The following PCDHGB2 variants were observed in gnomAD, a reference collection of about 807,000 sequenced individuals.
PCDHGB2 encodes protocadherin gamma subfamily B, 2, also known as protocadherin gamma-B2.
Under a neutral mutation model 59.3 loss-of-function variants are expected in PCDHGB2, and 55 were observed. The ratio of observed to expected loss-of-function variants is 0.93; its 90% CI spans 0.75 to 1.16. The LOEUF (loss-of-function observed/expected upper bound fraction) is 1.16. Among genes scored for constraint, PCDHGB2 ranks in the 50% most tolerant of loss-of-function variants. PCDHGB2 has a pLI of 0.00. For synonymous variants in PCDHGB2, 516 were observed against 512.0 expected (o/e 1.01, Z -0.11); for missense variants, 1,228 against 1,198.5 (o/e 1.02, Z -0.36).
chr5:141,391,728 T>C (rs2092412871), intron 1 of PCDHGB2: 1 of 152,222 alleles, frequency 6.6e-6, no homozygotes, highest in East Asian at 1.9e-4. Flanking sequence ...ACAGACTTTT[T>C]TGTAGTCATA....
intron 2 of PCDHGB2, among the ~76,000 whole-genome samples, chr5:141,497,984 C>G (rs2099780951): frequency 6.6e-6 from 1 of 152,194 alleles, no homozygotes; most frequent in South Asian, 2.1e-4. Flanking sequence ...TGGGAGGCCC[C>G]TGCCCTCAAG....
chr5:141,419,119 C>T lies in PCDHGB2; in HGVS notation c.2421+56563C>T. 2.5e-6 allele frequency: 4 copies of T among 1,613,896 alleles called. No individual in the cohort carries two copies. The South Asian group carries it at 3.3e-5, about 13-fold the overall frequency. Reference sequence around the variant, plus strand: ...GGGAGCAGACCCCAGAGTACAACGTCACCATCGCAGCCACAGACAGGGGCA... The same window carrying T: ...GGGAGCAGACCCCAGAGTACAACGTTACCATCGCAGCCACAGACAGGGGCA... On this transcript the variant is annotated intron_variant, in intron 1 of 3. Coordinates refer to ENST00000522605, the MANE Select transcript of PCDHGB2 (RefSeq NM_018923.3).
intron 1 of PCDHGB2, chr5:141,408,778 A>G (rs1261786266): frequency 6.2e-7 from 1 of 1,612,198 alleles, no homozygotes; most frequent in Non-Finnish European, 8.5e-7. Flanking sequence ...GCAAATACCC[A>G]GAGTTATCTC....
At chr5:141,383,314 A>C (rs1362079173) in intron 1 of PCDHGB2, 4 of 1,613,886 alleles carry the variant, frequency 2.5e-6, no homozygotes, top group Non-Finnish European at 8.5e-7. Flanking sequence ...GGAAGAAATA[A>C]ATGTAAAAAT....
intron 1 of PCDHGB2, chr5:141,370,337 G>A: frequency 6.9e-7 from 1 of 1,448,610 alleles, no homozygotes; most frequent in Non-Finnish European, 9.3e-7. Context: ...AGAACTCTTG[G>A]GATTATTTAA....
At chr5:141,395,138 C>G (rs147992300) in intron 1 of PCDHGB2, 3 of 1,614,204 alleles carry the variant, frequency 1.9e-6, no homozygotes, top group Non-Finnish European at 2.5e-6. Context: ...AGCCCAACTA[C>G]GCAGACATGC....
intron 1 of PCDHGB2, chr5:141,371,868 G>A (rs755178809): frequency 2.5e-6 from 4 of 1,613,510 alleles, no homozygotes; most frequent in Non-Finnish European, 3.4e-6. Context: ...CTACTACATC[G>A]TGGCCAGTGA....
At chr5:141,457,532 T>C (rs2098923599) in intron 1 of PCDHGB2, among the ~76,000 whole-genome samples, 1 of 152,058 alleles carries the variant, frequency 6.6e-6, no homozygotes, top group Admixed American at 6.6e-5. Flanking sequence ...GAGACTAGGG[T>C]TTAATGACAA....
intron 1 of PCDHGB2, among the ~76,000 whole-genome samples, chr5:141,430,014 G>A (rs925858697): frequency 6.6e-6 from 1 of 152,130 alleles, no homozygotes; most frequent in South Asian, 2.1e-4. Context: ...TTTCACTTGG[G>A]TTCTTGTTAA....
rs368155258 is a variant in PCDHGB2 at position 141,394,236 on chromosome 5, A to T, written c.2421+31680A>T. 3.1e-5 allele frequency: 50 copies of T among 1,613,818 alleles called. No individual in the cohort carries two copies. The highest frequency in any genetic ancestry group is 3.9e-5 in the Non-Finnish European group (46 of 1,179,848). On this transcript the variant is annotated intron_variant, in intron 1 of 3. Transcript: ENST00000522605. ...GAGAGGAGCCTCCATCTTTTCCTTG[A>T]CTGCACACGACCCCGACAGCCAGGA...
chr5:141,383,971 G>GAA, intron 1 of PCDHGB2: 1 of 1,613,662 alleles, frequency 6.2e-7, no homozygotes, highest in African/African-American at 1.3e-5. Context: ...CTCAATCCCT[G>GAA]AAGACACACC....
At chr5:141,450,134 G>A (rs1267554616) in intron 1 of PCDHGB2, among the ~76,000 whole-genome samples, 1 of 151,424 alleles carries the variant, frequency 6.6e-6, no homozygotes, top group East Asian at 2.0e-4. Context: ...AGCCTCCTGA[G>A]TAGCTGGGAC....
chr5:141,485,882 G>C lies in PCDHGB2; in HGVS notation c.2422-8925G>C. 6.2e-7 allele frequency: 1 copy of C among 1,614,146 alleles called. No homozygotes were observed. On this transcript the variant is annotated intron_variant, in intron 1 of 3. Transcript: ENST00000522605. The surrounding 1 kb of genome is among the most constrained non-coding windows in gnomAD (Gnocchi z 5.7). ...CCGGGTATCCGTGCTGGACGTAAACGACAACGCCCCAGCCTTCCAGCAATC... is the reference window on the plus strand; with the variant it reads ...CCGGGTATCCGTGCTGGACGTAAACCACAACGCCCCAGCCTTCCAGCAATC...
chr5:141,370,895 G>A lies in PCDHGB2; in HGVS notation c.2421+8339G>A, dbSNP rs574834175. 79 of 1,614,032 alleles carry A rather than the reference G, an allele frequency of 4.9e-5. 1 individual carries two copies. In the East Asian group the frequency reaches 1.7e-3, roughly 34 times the overall value. On this transcript the variant is annotated intron_variant, in intron 1 of 3. Transcript: ENST00000522605. ...ATCCTGATGTAGGTGTCAATTCGCT[G>A]CAGCAGTACTACCTCAGCCCTGATC...
chr5:141,433,623 G>A (rs2097635547), intron 1 of PCDHGB2, among the ~76,000 whole-genome samples: 1 of 152,070 alleles, frequency 6.6e-6, no homozygotes, highest in African/African-American at 2.4e-5. Flanking sequence ...ATCACCTGAG[G>A]TTGGGAGTTT....
chr5:141,395,152 T>C (rs1324313583), intron 1 of PCDHGB2: 1 of 1,614,196 alleles, frequency 6.2e-7, no homozygotes, highest in African/African-American at 1.3e-5. Context: ...GACATGCTCA[T>C]CAGTCAGGAG....
intron 1 of PCDHGB2, chr5:141,395,544 G>GTTTGTT (rs70988801): frequency 1.5e-3 from 17 of 11,560 alleles, no homozygotes; most frequent in African/African-American, 4.5e-3. Flanking sequence ...GCTATTGTTT[G>GTTTGTT]TGTGTGTGTG....
At position 141,485,811 on chromosome 5, in the gene PCDHGB2, C is replaced by T; in HGVS notation, c.2422-8996C>T. 6.2e-7 allele frequency: 1 copy of T among 1,614,220 alleles called. No homozygotes were observed. The highest frequency in any genetic ancestry group is 8.5e-7 in the Non-Finnish European group (1 of 1,180,028). ...CAATCGGACTACCGCCTGGTGCTGA[C>T]TGCTGTCGATGGAGGGAACCCGCCG... On this transcript the variant is annotated intron_variant, in intron 1 of 3. Transcript: ENST00000522605. This position sits in a 1 kb window ranked among gnomAD's most constrained non-coding sequence, Gnocchi z 5.7.
chr5:141,486,745 C>T lies in PCDHGB2; in HGVS notation c.2422-8062C>T, dbSNP rs1167986336. On this transcript the variant is annotated intron_variant, in intron 1 of 3. Coordinates refer to ENST00000522605, the MANE Select transcript of PCDHGB2 (RefSeq NM_018923.3). This position sits in a 1 kb window ranked among gnomAD's most constrained non-coding sequence, Gnocchi z 5.0. ...CTGTTCATGCTACTCGATCCTTTGA[C>T]TATGAGCAAACCCAGACACTGCAGT... 3.1e-6 allele frequency: 5 copies of T among 1,614,226 alleles called. No homozygotes were observed. The highest frequency in any genetic ancestry group is 3.4e-6 in the Non-Finnish European group (4 of 1,180,044).
Sources: allele counts gnomAD v4.1 joint callset (sites outside exome capture counted in the v4.1 genomes callset), GRCh38; gene constraint gnomAD v4.1.1; non-coding constraint Gnocchi (gnomAD v3.1); transcripts MANE v1.5; gene names NCBI Gene and HGNC (gene_info 2026-07-23, HGNC 2026-07-21).